Variants in RGS12 observed in about 807,000 individuals in gnomAD.
RGS12 encodes regulator of G-protein signaling 12.
In RGS12, 66 loss-of-function variants were observed where a neutral mutation model predicts 120.1. The observed-to-expected ratio is 0.55, with a 90% confidence interval of 0.45 to 0.67. The LOEUF (loss-of-function observed/expected upper bound fraction) is 0.67. Among genes scored for constraint, RGS12 ranks in the 30% least tolerant of loss-of-function variants. RGS12 has a pLI of 0.00. For missense variants in RGS12, 1,859 were observed against 1,957.7 expected, an observed-to-expected ratio of 0.95 and a Z score of 0.95; for synonymous variants, 827 against 804.7, an observed-to-expected ratio of 1.03 and a Z score of -0.47.
chr4:3,365,840 A>C lies in RGS12; in HGVS notation c.1999-20576A>C, dbSNP rs1716247679. 6.6e-6 allele frequency among the ~76,000 whole-genome samples: 1 copy of C among 152,164 alleles called. No individual in the cohort carries two copies. The highest frequency in any genetic ancestry group is 2.4e-5 in the African/African-American group (1 of 41,416). On this transcript the variant is annotated intron_variant, in intron 3 of 17. Coordinates refer to ENST00000336727, the MANE Select transcript of RGS12 (RefSeq NM_001394154.1). This position sits in a 1 kb window ranked among gnomAD's most constrained non-coding sequence, Gnocchi z 4.0. ...TCTGAACTGTCCTTAAGATCCTGTGAACTCCGGACATGTAATAGGATTCTT... is the reference window on the plus strand; with the variant it reads ...TCTGAACTGTCCTTAAGATCCTGTGCACTCCGGACATGTAATAGGATTCTT...
At position 3,416,070 on chromosome 4, in the gene RGS12, C is replaced by T. The variant is rs146885524; in HGVS notation, c.2376C>T (p.Asp792=). The T allele has an allele frequency of 6.2e-6, 10 of 1,613,956 alleles. No individual in the cohort carries two copies. The highest frequency in any genetic ancestry group is 2.2e-5 in the South Asian group (2 of 91,068). Residue 792 remains aspartate, a synonymous_variant, in exon 7 of 18, where the codon GAC becomes GAT. Coordinates refer to ENST00000336727, the MANE Select transcript of RGS12 (RefSeq NM_001394154.1). ...TCGACAGCCAGGCCCAGCTAGCAGA[C>T]GACGTCCTCCGCGCACCTCACCCAG... is the stretch of plus-strand genomic sequence containing the variant. ...VNIDSQAQLA[D]DVLRAPHPDM... is the part of the protein sequence containing the mutation.
chr4:3,407,184 C>T (rs900791972), intron 4 of RGS12, among the ~76,000 whole-genome samples: 2 of 152,192 alleles, frequency 1.3e-5, no homozygotes, highest in African/African-American at 2.4e-5. Flanking sequence ...GTTTATGCCA[C>T]GTGCAGTCAC....
chr4:3,343,226 T>C lies in RGS12; in HGVS notation c.1998+173T>C, dbSNP rs1578776921. 3 of 576,218 alleles carry C rather than the reference T, an allele frequency of 5.2e-6. No homozygotes were observed. The East Asian group carries it at 8.8e-5, about 17-fold the overall frequency. 35.7% of individuals were successfully genotyped at this position (576,218 alleles called of 1,614,324 possible). ...CGTCCCATGCACATTTGGGAACCTT[T>C]CTACCCTGCAATGTGTCTGAGCTGT... On this transcript the variant is annotated intron_variant, in intron 3 of 17. Transcript: ENST00000336727.
At chr4:3,361,543 A>G (rs1224575296) in intron 3 of RGS12, among the ~76,000 whole-genome samples, 1 of 152,188 alleles carries the variant, frequency 6.6e-6, no homozygotes, top group Admixed American at 6.5e-5. Context: ...CATGAGCAGA[A>G]ATGGCGAGGG....
At chr4:3,346,416 C>G (rs1270732701) in intron 3 of RGS12, among the ~76,000 whole-genome samples, 3 of 152,188 alleles carry the variant, frequency 2.0e-5, no homozygotes, top group Admixed American at 6.5e-5. Context: ...CTTGGAGAAG[C>G]TGCCCACAGC....
At chr4:3,406,561 G>T (rs1721151728) in intron 4 of RGS12, among the ~76,000 whole-genome samples, 1 of 152,242 alleles carries the variant, frequency 6.6e-6, no homozygotes, top group Admixed American at 6.5e-5. Context: ...CATTCCTGCA[G>T]TTGCTGTCGG....
Position 3,365,229 on chromosome 4 carries a change from TAG to T in RGS12, c.1999-21184_1999-21183del, listed in dbSNP as rs1204028624. ...CAGATCCACTGCCTGTTCTTGTAAA[TAG>T]AGTCTCCCTGGGCTGCAGTTCCGTC... On this transcript the variant is annotated intron_variant, in intron 3 of 17. Coordinates refer to ENST00000336727, the MANE Select transcript of RGS12 (RefSeq NM_001394154.1). This position sits in a 1 kb window ranked among gnomAD's most constrained non-coding sequence, Gnocchi z 4.0. 3.9e-5 allele frequency among the ~76,000 whole-genome samples: 6 copies of T among 152,250 alleles called. No individual in the cohort carries two copies. The highest frequency in any genetic ancestry group is 1.2e-4 in the African/African-American group (5 of 41,550).
chr4:3,329,313 G>C (rs996407344), intron 2 of RGS12, among the ~76,000 whole-genome samples: 12 of 152,202 alleles, frequency 7.9e-5, no homozygotes, highest in Non-Finnish European at 1.8e-4. Context: ...TTAGAACTTG[G>C]AGGGGGACTG....
chr4:3,320,568 G>A lies in RGS12; in HGVS notation c.1881+2517G>A, dbSNP rs2108686301. 2.0e-5 allele frequency among the ~76,000 whole-genome samples: 3 copies of A among 152,340 alleles called. No individual in the cohort carries two copies. The South Asian group carries it at 6.2e-4, about 32-fold the overall frequency. On this transcript the variant is annotated intron_variant, in intron 2 of 17. Coordinates refer to ENST00000336727, the MANE Select transcript of RGS12 (RefSeq NM_001394154.1). ...CCAAGACAGCCCTGGCGCTCCGTGT[G>A]GGATTTGGAGTGGCCTTCATAATGT...
intron 1 of RGS12, among the ~76,000 whole-genome samples, chr4:3,301,003 C>T (rs111791842): frequency 0.011 from 1,602 of 152,332 alleles, 23 homozygotes; most frequent in Middle Eastern, 0.034. Flanking sequence ...AAGGGCACAG[C>T]GCTTCAGGCC....
intron 9 of RGS12, chr4:3,419,133 C>A (rs1722726749): frequency 6.6e-6 from 1 of 151,712 alleles, no homozygotes; most frequent in South Asian, 2.1e-4. Context: ...AAGTTCGAGA[C>A]CAGCCTGGCC....
intron 3 of RGS12, among the ~76,000 whole-genome samples, chr4:3,377,845 C>T (rs1036102299): frequency 5.9e-5 from 9 of 152,102 alleles, no homozygotes; most frequent in Admixed American, 2.0e-4. Context: ...TAAAATACTT[C>T]GTCAGTTTCT....
chr4:3,370,418 C>A, intron 3 of RGS12: 1 of 1,135,060 alleles, frequency 8.8e-7, no homozygotes, highest in Non-Finnish European at 1.3e-6. Context: ...GTGGGACCTG[C>A]AAATGCTTGT....
intron 3 of RGS12, among the ~76,000 whole-genome samples, chr4:3,381,043 A>G (rs947057717): frequency 6.6e-6 from 1 of 152,182 alleles, no homozygotes; most frequent in African/African-American, 2.4e-5. Flanking sequence ...CTGCTTAGAA[A>G]TTTCTTCTGC....
In RGS12 at chr4:3,327,607, C is replaced by G. The variant is rs189195036; in HGVS notation, c.1881+9556C>G. Among the ~76,000 whole-genome samples the G allele has an allele frequency of 1.0e-3, 153 of 152,144 alleles. 1 individual carries two copies. The highest frequency in any genetic ancestry group is 3.5e-3 in the African/African-American group (147 of 41,460). On this transcript the variant is annotated intron_variant, in intron 2 of 17. Coordinates refer to ENST00000336727, the MANE Select transcript of RGS12 (RefSeq NM_001394154.1). ...CAAAATAACGCCATTAAAAAGTGGG[C>G]AAAGGATACGAATAGACATTTTTCA...
At chr4:3,435,729 T>G (rs916964124) in intron 17 of RGS12, among the ~76,000 whole-genome samples, 9 of 152,028 alleles carry the variant, frequency 5.9e-5, no homozygotes, top group African/African-American at 2.2e-4. Flanking sequence ...GAAGCCACCC[T>G]AGGTTGCTCC....
intron 3 of RGS12, among the ~76,000 whole-genome samples, chr4:3,347,641 C>T (rs539119829): frequency 2.8e-4 from 43 of 152,254 alleles, no homozygotes; most frequent in African/African-American, 1.0e-3. Flanking sequence ...GAAGAATTTT[C>T]AGTTAGTCTG....
intron 4 of RGS12, among the ~76,000 whole-genome samples, chr4:3,395,937 C>T (rs1006003673): frequency 5.3e-5 from 8 of 152,092 alleles, no homozygotes; most frequent in Non-Finnish European, 1.2e-4. Flanking sequence ...AATGGTGTAG[C>T]GTTTGCATAT....
intron 2 of RGS12, among the ~76,000 whole-genome samples, chr4:3,326,059 A>G (rs1725534767): frequency 6.6e-6 from 1 of 152,222 alleles, no homozygotes; most frequent in African/African-American, 2.4e-5. Context: ...CCCACAGCCA[A>G]CATCATACCA....
Sources: allele counts gnomAD v4.1 joint callset (sites outside exome capture counted in the v4.1 genomes callset), GRCh38; gene constraint gnomAD v4.1.1; non-coding constraint Gnocchi (gnomAD v3.1); transcripts MANE v1.5; gene names NCBI Gene and HGNC (gene_info 2026-07-23, HGNC 2026-07-21).